CDH18: variants seen among roughly 807,000 people sequenced by gnomAD.
CDH18 encodes cadherin 18, also known as cadherin-18.
A neutral mutation model predicts 67.9 loss-of-function variants in CDH18; 31 were observed. The observed-to-expected ratio is 0.46, with a 90% CI of 0.34 to 0.62. The LOEUF is 0.62. Ranked by LOEUF, CDH18 falls within the 20% of genes least tolerant of loss-of-function variation. The pLI is 0.01. For missense variants in CDH18, 890 were observed against 975.5 expected, an observed-to-expected ratio of 0.91 and a Z score of 1.17; for synonymous variants, 362 against 347.2, an observed-to-expected ratio of 1.04 and a Z score of -0.48.
Position 19,571,609 on chromosome 5 carries a change from T to C in CDH18, c.1223A>G (p.Gln408Arg), listed in dbSNP as rs1247011325. The stretch of plus-strand genomic sequence containing the variant: ...TAAGCTGTTAGTACTGTCAGGATCT[T>C]GTGCCAAAACTGTACCAACGACGGT... ...IGTVVGTVLA[Q>R]DPDSTNSLVR... The change falls in exon 8 of 13, where the codon CAA becomes CGA. Residue 408 changes from glutamine to arginine, a missense_variant. Gln to Arg is a conservative substitution (Grantham distance 43). This residue lies in a region of CDH18 where 656 missense variants were observed against 668.1 expected (regional missense o/e 0.98). Coordinates refer to ENST00000382275, the MANE Select transcript of CDH18 (RefSeq NM_004934.5). The C allele has an allele frequency of 6.2e-7, 1 of 1,614,068 alleles. No homozygotes were observed. The highest frequency in any genetic ancestry group is 1.1e-5 in the South Asian group (1 of 91,084).
rs187397320 is a variant in CDH18 at position 19,721,558 on chromosome 5, G to A, written c.524-92C>T. On this transcript the variant is annotated intron_variant, in intron 4 of 12. Coordinates refer to ENST00000382275, the MANE Select transcript of CDH18 (RefSeq NM_004934.5). ...AAAATGGGTATGCTGAAATAGCTAT[G>A]GAGATCAGTACTGGTTGTGTCCTAG... 8 of 1,157,934 alleles carry A rather than the reference G, an allele frequency of 6.9e-6. No homozygotes were observed. The East Asian group carries it at 1.7e-4, about 24-fold the overall frequency. The allele number at this position is 1,157,934 out of a possible 1,614,324, so 71.7% of individuals were successfully genotyped here. A position where few individuals can be genotyped will look rare whatever the true frequency, so the allele number is the denominator to read the frequency against.
At chr5:20,203,763 G>A (rs1217605636) in intron 2 of CDH18, among the ~76,000 whole-genome samples, 2 of 151,938 alleles carry the variant, frequency 1.3e-5, no homozygotes, top group African/African-American at 4.8e-5. Flanking sequence ...CTCCCTAAAT[G>A]GAAAAATAAG....
intron 8 of CDH18, among the ~76,000 whole-genome samples, chr5:19,554,302 T>C (rs913176438): frequency 6.6e-6 from 1 of 152,170 alleles, no homozygotes; most frequent in African/African-American, 2.4e-5. Flanking sequence ...TGCATTAATC[T>C]TGAGTTCTAG....
intron 5 of CDH18, among the ~76,000 whole-genome samples, chr5:19,652,125 ATT>A (rs938522346): frequency 6.6e-6 from 1 of 151,776 alleles, no homozygotes; most frequent in Non-Finnish European, 1.5e-5. Flanking sequence ...TATTACTTAA[ATT>A]TTTTTCTTTT....
chr5:20,158,064 T>C (rs1249459467), intron 2 of CDH18, among the ~76,000 whole-genome samples: 1 of 152,214 alleles, frequency 6.6e-6, no homozygotes. Flanking sequence ...ATTTGTCTTT[T>C]TGTGAATTGG....
chr5:19,774,489 A>G (rs1774087501), intron 3 of CDH18, among the ~76,000 whole-genome samples: 1 of 147,754 alleles, frequency 6.8e-6, no homozygotes, highest in Admixed American at 6.8e-5. Context: ...GATATTAGGT[A>G]GAAATGGAGC....
chr5:19,623,242 T>C (rs895479686), intron 5 of CDH18, among the ~76,000 whole-genome samples: 2 of 152,170 alleles, frequency 1.3e-5, no homozygotes, highest in African/African-American at 2.4e-5. Flanking sequence ...CTCCAAATAA[T>C]TGCTGTTTAG....
At chr5:20,114,922 G>A (rs1225865433) in intron 2 of CDH18, among the ~76,000 whole-genome samples, 1 of 152,082 alleles carries the variant, frequency 6.6e-6, no homozygotes, top group East Asian at 1.9e-4. Context: ...GAAGAGGTGG[G>A]GCTATATCAC....
At chr5:19,592,145 C>T in intron 6 of CDH18, among the ~76,000 whole-genome samples, 1 of 151,632 alleles carries the variant, frequency 6.6e-6, no homozygotes, top group East Asian at 1.9e-4. Flanking sequence ...TCACACAATC[C>T]AAATAGAAAA....
chr5:20,155,849 A>T (rs1413865367), intron 2 of CDH18, among the ~76,000 whole-genome samples: 2 of 151,988 alleles, frequency 1.3e-5, no homozygotes, highest in Non-Finnish European at 2.9e-5. Context: ...ACCAGTGAAT[A>T]CTTTTGTTGA....
At chr5:20,448,210 C>A (rs1750157952) in intron 1 of CDH18, among the ~76,000 whole-genome samples, 1 of 151,864 alleles carries the variant, frequency 6.6e-6, no homozygotes, top group Non-Finnish European at 1.5e-5. Context: ...TCATCCATGT[C>A]CCTACAAAGG....
intron 1 of CDH18, among the ~76,000 whole-genome samples, chr5:20,344,726 A>C (rs1279094053): frequency 1.3e-5 from 2 of 152,152 alleles, no homozygotes; most frequent in Non-Finnish European, 2.9e-5. Flanking sequence ...CCATGGCCTT[A>C]TTATGGGTGA....
intron 2 of CDH18, among the ~76,000 whole-genome samples, chr5:20,210,108 C>A (rs979991467): frequency 6.6e-6 from 1 of 151,490 alleles, no homozygotes; most frequent in Non-Finnish European, 1.5e-5. Flanking sequence ...CATCCAGTTT[C>A]TCAATATTGA....
chr5:20,065,916 A>T (rs1202174996), intron 2 of CDH18, among the ~76,000 whole-genome samples: 1 of 152,028 alleles, frequency 6.6e-6, no homozygotes, highest in African/African-American at 2.4e-5. Context: ...GTTTAACATA[A>T]GTTTATATTT....
chr5:19,819,416 T>C (rs1343563153), intron 3 of CDH18, among the ~76,000 whole-genome samples: 1 of 152,112 alleles, frequency 6.6e-6, no homozygotes, highest in Non-Finnish European at 1.5e-5. Context: ...TCTGAACAGA[T>C]CTTTTGAGAG....
chr5:20,098,564 A>G (rs1337996708), intron 2 of CDH18, among the ~76,000 whole-genome samples: 3 of 152,056 alleles, frequency 2.0e-5, no homozygotes, highest in Non-Finnish European at 2.9e-5. Context: ...TACATTTTAT[A>G]CTTCTAAAAA....
intron 9 of CDH18, among the ~76,000 whole-genome samples, chr5:19,539,461 A>G (rs1749904416): frequency 6.6e-6 from 1 of 152,202 alleles, no homozygotes; most frequent in Admixed American, 6.5e-5. Context: ...CATAAACTAC[A>G]TTCTACTTAA....
chr5:19,876,011 G>C (rs1786950427), intron 2 of CDH18, among the ~76,000 whole-genome samples: 1 of 151,930 alleles, frequency 6.6e-6, no homozygotes, highest in Non-Finnish European at 1.5e-5. Context: ...ACAATAGGCT[G>C]ATGTTTACCA....
At chr5:19,862,529 T>A (rs1339861662) in intron 2 of CDH18, among the ~76,000 whole-genome samples, 2 of 152,186 alleles carry the variant, frequency 1.3e-5, no homozygotes, top group Non-Finnish European at 2.9e-5. Context: ...TACATTTTAC[T>A]GAAGGTCATT....
Sources: gnomAD v4.1 joint callset for allele counts (sites outside exome capture counted in the v4.1 genomes callset) on GRCh38, gnomAD v4.1.1 for gene constraint, gnomAD v4.1.1 regional missense constraint, MANE v1.5 for transcripts, NCBI Gene and HGNC (gene_info 2026-07-23, HGNC 2026-07-21) for gene names.